Variants in PEBP4 observed in about 807,000 individuals in gnomAD.
The protein encoded by PEBP4 is phosphatidylethanolamine-binding protein 4.
PEBP4 carries 22 observed loss-of-function variants against 23.9 expected under a neutral mutation model. The ratio of observed to expected loss-of-function variants is 0.92; its 90% confidence interval spans 0.66 to 1.31. The LOEUF is 1.31. Among genes scored for constraint, PEBP4 ranks in the 40% most tolerant of loss-of-function variants. The pLI, the probability that PEBP4 is intolerant of heterozygous loss-of-function variation, is 0.00. For missense variants in PEBP4, 324 were observed against 281.7 expected (o/e 1.15, Z -1.07); for synonymous variants, 112 against 99.3 (o/e 1.13, Z -0.76).
At chr8:22,759,760 G>T (rs532478402) in intron 4 of PEBP4, among the ~76,000 whole-genome samples, 1 of 152,334 alleles carries the variant, frequency 6.6e-6, no homozygotes, top group East Asian at 1.9e-4. Flanking sequence ...CATGGAGACT[G>T]CTCCCTTCCG....
At chr8:22,789,017 T>C (rs963385993) in intron 4 of PEBP4, among the ~76,000 whole-genome samples, 2 of 152,242 alleles carry the variant, frequency 1.3e-5, no homozygotes, top group Non-Finnish European at 2.9e-5. Context: ...TAATGATATA[T>C]TGCTAAGTAA....
chr8:22,715,129 G>A (rs1320705481), intron 6 of PEBP4, among the ~76,000 whole-genome samples: 3 of 152,162 alleles, frequency 2.0e-5, no homozygotes, highest in African/African-American at 7.2e-5. Context: ...AATCCTATTC[G>A]ACTCAGTGAC....
intron 3 of PEBP4, among the ~76,000 whole-genome samples, chr8:22,901,799 A>G (rs1041943466): frequency 2.6e-5 from 4 of 152,336 alleles, no homozygotes; most frequent in Non-Finnish European, 4.4e-5. Context: ...GATGTTTACA[A>G]TGATGACACT....
At chr8:22,743,086 T>A (rs968263662) in intron 4 of PEBP4, among the ~76,000 whole-genome samples, 1 of 152,146 alleles carries the variant, frequency 6.6e-6, no homozygotes, top group African/African-American at 2.4e-5. Flanking sequence ...TATGCCAGAC[T>A]CCAGTGCCCA....
chr8:22,880,956 C>CCTGAT (rs1431385968), intron 3 of PEBP4, among the ~76,000 whole-genome samples: 1 of 152,260 alleles, frequency 6.6e-6, no homozygotes, highest in Non-Finnish European at 1.5e-5. Context: ...CACCACCCTT[C>CCTGAT]CTGCTCTGCT....
chr8:22,820,131 G>A (rs1209460954), intron 3 of PEBP4, among the ~76,000 whole-genome samples: 2 of 152,188 alleles, frequency 1.3e-5, no homozygotes, highest in Non-Finnish European at 2.9e-5. Context: ...AGTGAGGAAT[G>A]AGGAAATTGT....
At chr8:22,931,432 C>T (rs1213980570), upstream of PEBP4, among the ~76,000 whole-genome samples, 2 of 152,028 alleles carry the variant, frequency 1.3e-5, no homozygotes, top group African/African-American at 2.4e-5. Context: ...AATCTATTTT[C>T]CGTCTCTATG....
chr8:22,727,376 C>T (rs1804640456), intron 4 of PEBP4, among the ~76,000 whole-genome samples, 156 bp from the exon 5 acceptor site: 1 of 151,974 alleles, frequency 6.6e-6, no homozygotes, highest in South Asian at 2.1e-4. Flanking sequence ...AATGGGAGAG[C>T]AGGAGGATGT....
Position 22,817,729 on chromosome 8 carries a change from T to A in PEBP4, c.265A>T (p.Thr89Ser), listed in dbSNP as rs553309275. ...VKFPGAVDGA[T>S]YILVMVDPDA... ...GGATCCACCATCACCAGGATATAGG[T>A]TGCGCCCTGTAACACATGTACCGAA... The change falls in exon 4 of 7, where the codon ACC (threonine) becomes TCC (serine). Residue 89 changes from threonine (T) to serine (S), a missense_variant. By Grantham distance (58) the Thr-to-Ser change is moderately conservative. Coordinates refer to ENST00000256404, the MANE Select transcript of PEBP4 (RefSeq NM_144962.3). The A allele has an allele frequency of 2.5e-6, 4 of 1,614,088 alleles. No individual in the cohort carries two copies. In the African/African-American group the frequency reaches 5.3e-5, roughly 22 times the overall value.
At chr8:22,813,559 G>A (rs527768269) in intron 4 of PEBP4, among the ~76,000 whole-genome samples, 326 of 152,278 alleles carry the variant, frequency 2.1e-3, no homozygotes, top group Middle Eastern at 0.01. Context: ...GCACCAATAA[G>A]TGTTTCTTTG....
intron 3 of PEBP4, among the ~76,000 whole-genome samples, chr8:22,820,355 G>A (rs1249986221): frequency 2.6e-5 from 4 of 152,166 alleles, no homozygotes; most frequent in Non-Finnish European, 5.9e-5. Flanking sequence ...TGGAATACGT[G>A]GTAGTTGGGT....
intron 3 of PEBP4, among the ~76,000 whole-genome samples, chr8:22,850,083 T>A (rs1563236698): frequency 6.6e-6 from 1 of 151,062 alleles, no homozygotes; most frequent in Non-Finnish European, 1.5e-5. Context: ...AGGAGCCCTG[T>A]GATAGAGGAA....
intron 3 of PEBP4, among the ~76,000 whole-genome samples, chr8:22,915,880 G>A (rs150824009): frequency 1.8e-4 from 28 of 152,330 alleles, no homozygotes; most frequent in East Asian, 9.6e-4. Flanking sequence ...TGGTAGGGGC[G>A]GTGGACCTGT....
chr8:22,892,481 T>C (rs1252702309), intron 3 of PEBP4, among the ~76,000 whole-genome samples: 2 of 152,230 alleles, frequency 1.3e-5, no homozygotes, highest in African/African-American at 4.8e-5. Flanking sequence ...AGCTACAGCC[T>C]ACTTCTCAGC....
chr8:22,726,072 G>A (rs1804619147), intron 5 of PEBP4, among the ~76,000 whole-genome samples: 1 of 151,970 alleles, frequency 6.6e-6, no homozygotes, highest in Non-Finnish European at 1.5e-5. Context: ...AGCTGGGTGT[G>A]CTGAGAGCCA....
intron 4 of PEBP4, among the ~76,000 whole-genome samples, chr8:22,734,515 T>C (rs907888): frequency 0.14 from 21,954 of 152,202 alleles, 1,980 homozygotes; most frequent in Middle Eastern, 0.22. Flanking sequence ...TCCTGGCACC[T>C]TCATGGGCAG....
intron 3 of PEBP4, among the ~76,000 whole-genome samples, chr8:22,842,366 A>G (rs1807346939): frequency 6.6e-6 from 1 of 152,210 alleles, no homozygotes; most frequent in Admixed American, 6.5e-5. Context: ...TGGTGGCCAG[A>G]GGCAGCATTT....
At chr8:22,798,733 T>TC (rs1563219873) in intron 4 of PEBP4, 9 of 112,588 alleles carry the variant, frequency 8.0e-5, no homozygotes, top group Admixed American at 2.4e-4. Flanking sequence ...TTTTTCTTTT[T>TC]TTTTTTTTTT....
chr8:22,854,808 A>G (rs148951834), intron 3 of PEBP4, among the ~76,000 whole-genome samples: 1 of 152,104 alleles, frequency 6.6e-6, no homozygotes, highest in South Asian at 2.1e-4. Flanking sequence ...TGCTCAATGC[A>G]TATCTTCTCC....
Sources: allele counts gnomAD v4.1 joint callset (sites outside exome capture counted in the v4.1 genomes callset), GRCh38; gene constraint gnomAD v4.1.1; transcripts MANE v1.5; gene names NCBI Gene and HGNC (gene_info 2026-07-23, HGNC 2026-07-21).